The following CDON variants were observed in gnomAD, a reference collection of about 807,000 sequenced individuals.
The protein encoded by CDON is cell adhesion associated, oncogene regulated.
A neutral mutation model predicts 120.9 loss-of-function variants in CDON; 73 were observed. That is an observed-to-expected ratio of 0.60 (90% CI 0.50 to 0.73). CDON has a LOEUF of 0.73. Among genes scored for constraint, CDON ranks in the 30% least tolerant of loss-of-function variants. The pLI is 0.00. For synonymous variants in CDON, 566 were observed against 573.5 expected (o/e 0.99, Z 0.19); for missense variants, 1,470 against 1,587.3 (o/e 0.93, Z 1.26).
At chr11:126,039,817 A>G (rs970447486) in intron 1 of CDON, among the ~76,000 whole-genome samples, 5 of 152,228 alleles carry the variant, frequency 3.3e-5, no homozygotes, top group East Asian at 3.9e-4. Context: ...CCCCTCCAAA[A>G]TAAGCCGAAC....
intron 1 of CDON, among the ~76,000 whole-genome samples, chr11:126,037,055 G>A (rs1257485798): frequency 6.6e-6 from 1 of 151,858 alleles, no homozygotes; most frequent in African/African-American, 2.4e-5. Flanking sequence ...AGAATGCTGG[G>A]GGATGGATCC....
intron 18 of CDON, among the ~76,000 whole-genome samples, chr11:125,974,804 A>G (rs1946108370): frequency 6.6e-6 from 1 of 152,032 alleles, no homozygotes; most frequent in Non-Finnish European, 1.5e-5. Flanking sequence ...CTAAAACCAA[A>G]TTTATCACCT....
chr11:126,020,053 G>A (rs539969548), intron 3 of CDON, among the ~76,000 whole-genome samples: 9 of 151,388 alleles, frequency 5.9e-5, no homozygotes, highest in African/African-American at 2.2e-4. Context: ...CCTGTCTCAA[G>A]AGAAAAAAAA....
In CDON at chr11:126,005,954, G is replaced by A. The variant is rs1947114107; in HGVS notation, c.1656C>T (p.Ser552=). ...TGGGATGGACCTTCACCGGAAATGA[G>A]CTCAGTAACCCAGTTTCTGAACCAT... is the stretch of plus-strand genomic sequence containing the variant. ...KRDGSETGLL[S]SFPVKVHPSA... The change falls in exon 9 of 20, where the codon AGC becomes AGT. Residue 552 remains serine (S), a synonymous_variant. Transcript: ENST00000531738. The A allele has an allele frequency of 6.2e-7, 1 of 1,614,000 alleles. No homozygotes were observed. The highest frequency in any genetic ancestry group is 8.5e-7 in the Non-Finnish European group (1 of 1,180,028).
intron 17 of CDON, among the ~76,000 whole-genome samples, chr11:125,978,882 C>T (rs1041843000): frequency 5.9e-5 from 9 of 152,128 alleles, no homozygotes; most frequent in African/African-American, 1.4e-4. Flanking sequence ...CACTTGACAA[C>T]GCTAAGTTTT....
chr11:126,005,729 C>T (rs776263304), intron 9 of CDON, 30 bp downstream of exon 9: 20 of 1,603,422 alleles, frequency 1.2e-5, no homozygotes, highest in Admixed American at 5.0e-5. Context: ...AGGTGTGAGC[C>T]GAGAAAGATG....
At chr11:126,041,008 G>C (rs1202997397) in intron 1 of CDON, among the ~76,000 whole-genome samples, 1 of 151,216 alleles carries the variant, frequency 6.6e-6, no homozygotes, top group Non-Finnish European at 1.5e-5. Flanking sequence ...GACCAACATG[G>C]TGAAAACCCG....
chr11:125,995,124 C>T (rs1340166724), intron 12 of CDON, 72 bp from the exon 13 acceptor site: 1 of 1,310,370 alleles, frequency 7.6e-7, no homozygotes, highest in African/African-American at 1.4e-5. Flanking sequence ...AATAAGACAA[C>T]TAAAGGCAGA....
rs1002338849 is a variant in CDON, at chr11:126,010,442, G to A, written c.1451C>T (p.Ser484Phe). 4 of 1,614,106 alleles carry A rather than the reference G, an allele frequency of 2.5e-6. No individual in the cohort carries two copies. In the South Asian group the frequency reaches 3.3e-5, roughly 13 times the overall value. The change falls in exon 8 of 20, where the codon TCT becomes TTT. Residue 484 changes from serine (S) to phenylalanine (F), a missense_variant. Physicochemically the swap from Ser to Phe is radical, Grantham distance 155. Coordinates refer to ENST00000531738, the MANE Select transcript of CDON (RefSeq NM_001378964.1). ...CTGAGTCACAGCCTGAATATGGAGA[G>A]AGCTTGCACCAGCTTGGGACAGGAC... ...YFVLSQAGAS[S>F]LHIQAVTQEH...
In CDON at chr11:125,961,807, A is replaced by G. The variant is rs760177298; in HGVS notation, c.3548T>C (p.Val1183Ala). Residue 1183 changes from valine to alanine, a missense_variant, in exon 19 of 20, where the codon GTC (valine) becomes GCC (alanine). By Grantham distance (64) the Val-to-Ala change is moderately conservative (BLOSUM62 0). Coordinates refer to ENST00000531738, the MANE Select transcript of CDON (RefSeq NM_001378964.1). The part of the protein sequence containing the change: ...EESVKDNVEP[V>A]PTQRTCCQDI... ...CTGACAGCAGGTACGCTGAGTAGGGACTGGTTCCACATTGTCCTTGACGCT... is the reference window on the plus strand; with the variant it reads ...CTGACAGCAGGTACGCTGAGTAGGGGCTGGTTCCACATTGTCCTTGACGCT... 4 of 1,614,122 alleles carry G rather than the reference A, an allele frequency of 2.5e-6. No individual in the cohort carries two copies. The highest frequency in any genetic ancestry group is 3.4e-6 in the Non-Finnish European group (4 of 1,180,010).
At chr11:126,052,067 T>C (rs1333399405) in intron 1 of CDON, among the ~76,000 whole-genome samples, 6 of 152,068 alleles carry the variant, frequency 3.9e-5, no homozygotes, top group Non-Finnish European at 7.3e-5. Flanking sequence ...TGACTCAAAA[T>C]TGGCTTTAGT....
chr11:126,060,358 C>T (rs1948766717), intron 1 of CDON, among the ~76,000 whole-genome samples: 1 of 152,140 alleles, frequency 6.6e-6, no homozygotes, highest in African/African-American at 2.4e-5. Flanking sequence ...ATTGTCTTAC[C>T]CATACTTCTA....
chr11:125,981,359 C>T (rs768980963), intron 16 of CDON, 30 bp from the exon 17 acceptor site: 24 of 1,362,254 alleles, frequency 1.8e-5, no homozygotes, highest in East Asian at 1.1e-4. Flanking sequence ...AAGACACACA[C>T]GCACACACAC....
chr11:126,061,350 G>A (rs1948790427), intron 1 of CDON, among the ~76,000 whole-genome samples: 1 of 152,112 alleles, frequency 6.6e-6, no homozygotes, highest in Non-Finnish European at 1.5e-5. Flanking sequence ...TTCTAGTTAA[G>A]CACTAATTTA....
intron 1 of CDON, among the ~76,000 whole-genome samples, chr11:126,040,341 C>T (rs1224281233): frequency 2.0e-5 from 3 of 152,202 alleles, no homozygotes; most frequent in Non-Finnish European, 4.4e-5. Flanking sequence ...ACTGTACAGA[C>T]ACCACCTGGG....
chr11:125,993,026 A>T (rs1591362880), intron 14 of CDON, among the ~76,000 whole-genome samples: 3 of 152,204 alleles, frequency 2.0e-5, no homozygotes, highest in South Asian at 4.1e-4. Context: ...TTGTGGGGGA[A>T]CCTATGCTAG....
intron 1 of CDON, among the ~76,000 whole-genome samples, chr11:126,056,281 G>C (rs1012788106): frequency 2.6e-5 from 4 of 152,162 alleles, no homozygotes; most frequent in Non-Finnish European, 5.9e-5. Context: ...GACGCCTATA[G>C]ATCAAAAGAT....
chr11:126,035,974 G>C (rs929023349), intron 1 of CDON, among the ~76,000 whole-genome samples: 3 of 152,132 alleles, frequency 2.0e-5, no homozygotes, highest in African/African-American at 7.2e-5. Context: ...AGCGGCAGTG[G>C]CCAGATTGTA....
At chr11:126,028,654 C>T (rs1947864265) in intron 1 of CDON, among the ~76,000 whole-genome samples, 1 of 152,032 alleles carries the variant, frequency 6.6e-6, no homozygotes, top group South Asian at 2.1e-4. Context: ...TGAGCCACTG[C>T]TCCTGGCCCT....
Sources: allele counts gnomAD v4.1 joint callset (sites outside exome capture counted in the v4.1 genomes callset), GRCh38; gene constraint gnomAD v4.1.1; transcripts MANE v1.5; gene names NCBI Gene and HGNC (gene_info 2026-07-23, HGNC 2026-07-21).